IL1RAPL2: variants seen among roughly 807,000 people sequenced by gnomAD.
IL1RAPL2 encodes X-linked interleukin-1 receptor accessory protein-like 2.
In IL1RAPL2, 3 loss-of-function variants were observed where a neutral mutation model predicts 44.1. The observed-to-expected ratio is 0.07, with a 90% CI of 0.03 to 0.18. IL1RAPL2 has a LOEUF of 0.18. Among genes scored for constraint, IL1RAPL2 ranks in the 10% least tolerant of loss-of-function variants. The probability of loss-of-function intolerance (pLI) is 1.00; values close to 1 mark genes in which losing one functional copy is unlikely to be tolerated. For missense variants in IL1RAPL2, 391 were observed against 496.4 expected (o/e 0.79, Z 2.02); for synonymous variants, 181 against 178.8 (o/e 1.01, Z -0.10).
At chrX:104,852,414 G>A (rs776595239) in intron 2 of IL1RAPL2, among the ~76,000 whole-genome samples, 4 of 111,882 alleles carry the variant, frequency 3.6e-5, no homozygotes, top group African/African-American at 1.3e-4. Flanking sequence ...TAAGGTCTTT[G>A]TCCGAGGTTT....
At chrX:105,265,152 G>GA (rs1470496613) in intron 4 of IL1RAPL2, among the ~76,000 whole-genome samples, 1 of 112,169 alleles carries the variant, frequency 8.9e-6, no homozygotes. Flanking sequence ...AATGACATAA[G>GA]AAAATGACAC....
intron 2 of IL1RAPL2, among the ~76,000 whole-genome samples, chrX:104,988,218 TG>T (rs771880244): frequency 2.6e-4 from 29 of 112,507 alleles, no homozygotes; most frequent in African/African-American, 7.7e-4. Context: ...AGCATTTTCT[TG>T]TCATCTTTCA....
At chrX:104,813,720 G>C (rs937246668) in intron 2 of IL1RAPL2, among the ~76,000 whole-genome samples, 1 of 111,317 alleles carries the variant, frequency 9.0e-6, no homozygotes, top group African/African-American at 3.3e-5. Flanking sequence ...TAACATTGCT[G>C]GTTTGAAGAA....
At chrX:105,148,700 A>G (rs1303508511) in intron 2 of IL1RAPL2, among the ~76,000 whole-genome samples, 2 of 111,820 alleles carry the variant, frequency 1.8e-5, no homozygotes, top group African/African-American at 3.3e-5. Flanking sequence ...GAAAATTATC[A>G]TAGGTCTTGC....
intron 2 of IL1RAPL2, among the ~76,000 whole-genome samples, chrX:104,928,825 G>A (rs1178884811): frequency 9.0e-6 from 1 of 111,313 alleles, no homozygotes. Context: ...GCTTCTTTGT[G>A]TGGGTTTGTA....
intron 2 of IL1RAPL2, among the ~76,000 whole-genome samples, chrX:104,733,093 C>T (rs780879903): frequency 1.8e-5 from 2 of 111,450 alleles, no homozygotes; most frequent in African/African-American, 6.5e-5. Context: ...AAACTCCTAG[C>T]AAACTCCTAG....
At chrX:104,966,167 T>A (rs1183558756) in intron 2 of IL1RAPL2, among the ~76,000 whole-genome samples, 1 of 110,902 alleles carries the variant, frequency 9.0e-6, no homozygotes, top group Non-Finnish European at 1.9e-5. Context: ...TCAACCTCCA[T>A]CTCCAAATGA....
chrX:105,265,105 A>G (rs923937370), intron 4 of IL1RAPL2, among the ~76,000 whole-genome samples: 1 of 112,148 alleles, frequency 8.9e-6, no homozygotes, highest in African/African-American at 3.2e-5. Context: ...GAGAAAATGA[A>G]AATTGTTAGA....
intron 4 of IL1RAPL2, among the ~76,000 whole-genome samples, chrX:105,249,371 G>T (rs981435250): frequency 7.2e-5 from 8 of 111,158 alleles, no homozygotes; most frequent in Admixed American, 1.9e-4. Flanking sequence ...TTGCAGAGAG[G>T]TGGGGATGGT....
At chrX:104,807,560 C>T (rs1350186753) in intron 2 of IL1RAPL2, among the ~76,000 whole-genome samples, 1 of 111,670 alleles carries the variant, frequency 9.0e-6, no homozygotes, top group Non-Finnish European at 1.9e-5. Context: ...ATTAGTACAG[C>T]AATGTATAAG....
At chrX:105,194,083 T>C (rs782465542) in intron 2 of IL1RAPL2, among the ~76,000 whole-genome samples, 49 of 112,059 alleles carry the variant, frequency 4.4e-4, no homozygotes, top group African/African-American at 1.4e-3. Context: ...ATAGGCACAT[T>C]GTTTTGCCAA....
In IL1RAPL2 at chrX:104,913,821, A is replaced by G. The variant is rs780318055; in HGVS notation, c.82+254826A>G. On this transcript the variant is annotated intron_variant, in intron 2 of 10. Coordinates refer to ENST00000372582, the MANE Select transcript of IL1RAPL2 (RefSeq NM_017416.2). ...AAACAGTAACCACATTTCTTCTTTA[A>G]AAATGTATTAGGGAAGAAATTATGT... is the stretch of plus-strand genomic sequence containing the variant. Among the ~76,000 whole-genome samples the G allele has an allele frequency of 9.7e-4, 109 of 112,189 alleles. 2 individuals are homozygous for G. The highest frequency in any genetic ancestry group is 7.0e-3 in the Admixed American group (74 of 10,543).
At position 105,204,758 on chromosome X, in the gene IL1RAPL2, A is replaced by T. The variant is rs2033747389; in HGVS notation, c.356+9010A>T. 2.7e-5 allele frequency among the ~76,000 whole-genome samples: 3 copies of T among 111,443 alleles called. No individual in the cohort carries two copies. The South Asian group carries it at 1.1e-3, about 42-fold the overall frequency. The stretch of plus-strand genomic sequence containing the variant: ...AGTTTTATTACTTACGAATTGTGTG[A>T]CCTTGAGCAATTTATATGACTACTC... On this transcript the variant is annotated intron_variant, in intron 3 of 10. Coordinates refer to ENST00000372582, the MANE Select transcript of IL1RAPL2 (RefSeq NM_017416.2).
intron 2 of IL1RAPL2, among the ~76,000 whole-genome samples, chrX:105,180,957 G>A (rs781906191): frequency 8.9e-6 from 1 of 111,808 alleles, no homozygotes; most frequent in South Asian, 3.7e-4. Context: ...AAATCTATCT[G>A]TTCCTGGGGT....
chrX:104,873,527 G>T (rs987051114), intron 2 of IL1RAPL2, among the ~76,000 whole-genome samples: 4 of 111,757 alleles, frequency 3.6e-5, no homozygotes, highest in African/African-American at 1.3e-4. Context: ...GTTTTCTGGA[G>T]GTTGACTGCA....
chrX:104,896,662 C>T (rs749027599), intron 2 of IL1RAPL2, among the ~76,000 whole-genome samples: 61 of 111,667 alleles, frequency 5.5e-4, no homozygotes, highest in Admixed American at 3.6e-3. Flanking sequence ...GTGGGTGGGG[C>T]CAGATAAGGG....
At chrX:104,827,527 A>G (rs1462324750) in intron 2 of IL1RAPL2, among the ~76,000 whole-genome samples, 1 of 111,281 alleles carries the variant, frequency 9.0e-6, no homozygotes, top group Non-Finnish European at 1.9e-5. Flanking sequence ...TTTGTGGGTA[A>G]CCATACCTTT....
intron 6 of IL1RAPL2, among the ~76,000 whole-genome samples, chrX:105,508,076 C>A (rs951541012): frequency 1.7e-4 from 19 of 111,595 alleles, no homozygotes; most frequent in Non-Finnish European, 3.4e-4. Flanking sequence ...TGTTCCATTG[C>A]AATGTATAGC....
At chrX:104,991,774 G>C (rs1163110182) in intron 2 of IL1RAPL2, among the ~76,000 whole-genome samples, 1 of 111,654 alleles carries the variant, frequency 9.0e-6, no homozygotes, top group Non-Finnish European at 1.9e-5. Context: ...CACTGTTGTG[G>C]GGAAGACAAC....
Sources: allele counts gnomAD v4.1 joint callset (sites outside exome capture counted in the v4.1 genomes callset), GRCh38; gene constraint gnomAD v4.1.1; transcripts MANE v1.5; gene names NCBI Gene and HGNC (gene_info 2026-07-23, HGNC 2026-07-21).